The following RGS7 variants were observed in gnomAD, a reference collection of about 807,000 sequenced individuals.
RGS7 encodes regulator of G-protein signaling 7.
A neutral mutation model predicts 81.1 loss-of-function variants in RGS7; 27 were observed. The observed-to-expected ratio is 0.33, with a 90% CI of 0.25 to 0.46. The LOEUF (loss-of-function observed/expected upper bound fraction) is 0.46, where lower values mean the gene tolerates loss of function less well. RGS7 is among the 20% of genes least tolerant of loss of function. The pLI is 1.00. For synonymous variants in RGS7, 208 were observed against 207.7 expected, an observed-to-expected ratio of 1.00 and a Z score of -0.01; for missense variants, 396 against 607.4, an observed-to-expected ratio of 0.65 and a Z score of 3.66.
At chr1:241,226,604 T>A (rs1363605549) in intron 2 of RGS7, among the ~76,000 whole-genome samples, 3 of 152,088 alleles carry the variant, frequency 2.0e-5, no homozygotes, top group African/African-American at 7.2e-5. Flanking sequence ...TAAAAGACAA[T>A]CAACAATGGA....
At chr1:241,218,515 T>G (rs991584857) in intron 2 of RGS7, among the ~76,000 whole-genome samples, 7 of 152,224 alleles carry the variant, frequency 4.6e-5, no homozygotes, top group Non-Finnish European at 7.3e-5. Flanking sequence ...GAGAAATGGC[T>G]CTCACACTTG....
intron 2 of RGS7, among the ~76,000 whole-genome samples, chr1:241,248,550 C>T (rs1156429529): frequency 4.0e-5 from 6 of 151,796 alleles, no homozygotes; most frequent in African/African-American, 9.7e-5. Context: ...CTCTGATCTT[C>T]GTTACTTTGT....
At chr1:240,862,376 G>C (rs1270670836) in intron 9 of RGS7, among the ~76,000 whole-genome samples, 1 of 152,078 alleles carries the variant, frequency 6.6e-6, no homozygotes, top group Non-Finnish European at 1.5e-5. Context: ...TAAAGATTCT[G>C]AACTGTTATT....
chr1:241,026,918 G>T (rs2059816395), intron 3 of RGS7, among the ~76,000 whole-genome samples: 1 of 151,672 alleles, frequency 6.6e-6, no homozygotes, highest in Admixed American at 6.6e-5. Flanking sequence ...AAAGGGTTTT[G>T]TACGCGTAAG....
At chr1:241,238,908 A>C (rs1203614400) in intron 2 of RGS7, among the ~76,000 whole-genome samples, 1 of 150,936 alleles carries the variant, frequency 6.6e-6, no homozygotes, top group Non-Finnish European at 1.5e-5. Flanking sequence ...AACATTTAAA[A>C]ATTTTCCTTC....
At chr1:240,785,395 T>A (rs1012537721) in intron 18 of RGS7, among the ~76,000 whole-genome samples, 2 of 152,238 alleles carry the variant, frequency 1.3e-5, no homozygotes, top group Non-Finnish European at 2.9e-5. Context: ...TCCGGTTCCC[T>A]CTTTGAATTC....
intron 6 of RGS7, among the ~76,000 whole-genome samples, chr1:240,910,241 C>G (rs1330887647): frequency 6.6e-6 from 1 of 152,180 alleles, no homozygotes; most frequent in Non-Finnish European, 1.5e-5. Context: ...CTCCAACCAT[C>G]AAAGTTCTGT....
At chr1:240,789,832 T>C (rs879881185) in intron 18 of RGS7, among the ~76,000 whole-genome samples, 5 of 152,162 alleles carry the variant, frequency 3.3e-5, no homozygotes, top group African/African-American at 7.2e-5. Flanking sequence ...CCTTGTGATA[T>C]CTTATTACCT....
chr1:241,140,022 GC>G (rs1269316811), intron 2 of RGS7, among the ~76,000 whole-genome samples: 1 of 152,152 alleles, frequency 6.6e-6, no homozygotes, highest in Non-Finnish European at 1.5e-5. Context: ...CAGAGGAAGA[GC>G]CTGCTGGATG....
At chr1:240,840,101 T>G (rs1027565304) in intron 9 of RGS7, among the ~76,000 whole-genome samples, 6 of 152,114 alleles carry the variant, frequency 3.9e-5, no homozygotes, top group Non-Finnish European at 7.4e-5. Flanking sequence ...TTCTAATTCC[T>G]CTCTTGCTTT....
rs143187524 is a variant in RGS7, at chr1:240,786,383, T to C, written c.*7-10170A>G. Among the ~76,000 whole-genome samples the C allele has an allele frequency of 4.9e-3, 751 of 152,330 alleles. 9 individuals carry two copies. Among genetic ancestry groups the C allele is most frequent in the African/African-American group, 0.016 (674 of 41,584 alleles). ...ACATTTTGTTCAATTACCCATGTTA[T>C]GGATGTTTCTTCAAAAATAATGTTG... On this transcript the variant is annotated intron_variant, in intron 18 of 18. Transcript: ENST00000440928.
intron 6 of RGS7, among the ~76,000 whole-genome samples, chr1:240,889,295 G>A (rs1172991850): frequency 6.6e-6 from 1 of 152,104 alleles, no homozygotes; most frequent in African/African-American, 2.4e-5. Context: ...TTGTAAGAGG[G>A]AATCAACTCC....
chr1:240,952,838 G>GA (rs1477922822), intron 4 of RGS7, among the ~76,000 whole-genome samples: 1 of 6,400 alleles, frequency 1.6e-4, no homozygotes, highest in East Asian at 0.045. Context: ...GTTAAAAGGG[G>GA]GGAAAAGAGA....
In RGS7 at chr1:241,277,137, T is replaced by C. The variant is rs1026655869; in HGVS notation, c.78+78562A>G. 3.9e-5 allele frequency among the ~76,000 whole-genome samples: 6 copies of C among 152,360 alleles called. No individual in the cohort carries two copies. In the East Asian group the frequency reaches 1.2e-3, roughly 29 times the overall value. On this transcript the variant is annotated intron_variant, in intron 2 of 18. Coordinates refer to ENST00000440928, the MANE Select transcript of RGS7 (RefSeq NM_001364886.1). ...TTTAAAATAGCTATGTACTCTCCTA[T>C]TGTATGCATTGCTCCAATTTCTTCT...
intron 2 of RGS7, among the ~76,000 whole-genome samples, chr1:241,343,132 C>CGG (rs1177256211): frequency 4.6e-5 from 7 of 151,858 alleles, no homozygotes; most frequent in African/African-American, 1.7e-4. Context: ...CATGGTGGTG[C>CGG]GCACCTGTAG....
chr1:240,923,908 G>A (rs1287201850), intron 6 of RGS7, among the ~76,000 whole-genome samples: 1 of 151,934 alleles, frequency 6.6e-6, no homozygotes, highest in Non-Finnish European at 1.5e-5. Flanking sequence ...GATATTTAAG[G>A]CACTGTTATT....
At chr1:241,307,490 C>T (rs911677335) in intron 2 of RGS7, among the ~76,000 whole-genome samples, 3 of 151,994 alleles carry the variant, frequency 2.0e-5, no homozygotes, top group African/African-American at 4.8e-5. Context: ...ATTCACTGAG[C>T]GATCTCAACA....
At chr1:240,904,214 A>G (rs2148213826) in intron 6 of RGS7, among the ~76,000 whole-genome samples, 1 of 152,342 alleles carries the variant, frequency 6.6e-6, no homozygotes, top group East Asian at 1.9e-4. Flanking sequence ...AAATTTATTG[A>G]AAATTTAAAA....
At chr1:240,818,289 A>T (rs1416543827) in intron 10 of RGS7, among the ~76,000 whole-genome samples, 2 of 152,138 alleles carry the variant, frequency 1.3e-5, no homozygotes, top group Non-Finnish European at 2.9e-5. Flanking sequence ...AGCATTAGGG[A>T]AATACAAATA....
Sources: allele counts gnomAD v4.1 joint callset (sites outside exome capture counted in the v4.1 genomes callset), GRCh38; gene constraint gnomAD v4.1.1; transcripts MANE v1.5; gene names NCBI Gene and HGNC (gene_info 2026-07-23, HGNC 2026-07-21).